MACF1: variants seen among roughly 807,000 people sequenced by gnomAD.
MACF1 encodes microtubule-actin cross-linking factor 1.
A neutral mutation model predicts 854.8 loss-of-function variants in MACF1; 193 were observed. The observed-to-expected ratio is 0.23, with a 90% CI of 0.20 to 0.25. MACF1 has a LOEUF of 0.25. MACF1 is among the 10% of genes least tolerant of loss of function. The pLI is 1.00. For synonymous variants in MACF1, 3,185 were observed against 3,226.7 expected (o/e 0.99, Z 0.44); for missense variants, 7,722 against 8,929.1 (o/e 0.86, Z 5.45).
chr1:39,339,522 C>T (rs1646890567), intron 38 of MACF1, among the ~76,000 whole-genome samples: 1 of 152,152 alleles, frequency 6.6e-6, no homozygotes, highest in African/African-American at 2.4e-5. Context: ...GGGATATAAA[C>T]TAACTTGCAG....
chr1:39,437,707 T>C, intron 70 of MACF1, 70 bp from the exon 71 acceptor site: 4 of 1,169,872 alleles, frequency 3.4e-6, no homozygotes, highest in Non-Finnish European at 5.1e-6. Flanking sequence ...ATCTTGTCCT[T>C]ATTCCCTAAC....
intron 98 of MACF1, 96 bp from the exon 99 acceptor site, chr1:39,480,824 A>G (rs1644999253): frequency 3.0e-6 from 2 of 666,560 alleles, no homozygotes; most frequent in South Asian, 3.6e-5. Flanking sequence ...TTTAAAATTT[A>G]GTATCTTCTA....
intron 2 of MACF1, among the ~76,000 whole-genome samples, chr1:39,111,959 G>A (rs185455127): frequency 2.6e-5 from 4 of 152,146 alleles, no homozygotes; most frequent in Non-Finnish European, 5.9e-5. Flanking sequence ...ATCTGTTACT[G>A]CCTAACACAT....
chr1:39,287,433 C>A lies in MACF1; in HGVS notation c.1656C>A (p.Thr552=). The A allele has an allele frequency of 6.2e-7, 1 of 1,614,128 alleles. No individual in the cohort carries two copies. Among genetic ancestry groups the A allele is most frequent in the African/African-American group, 1.3e-5 (1 of 75,030 alleles). The stretch of plus-strand genomic sequence containing the variant: ...AAGCAGAACCCTTAACCAAGGCAAC[C>A]CATTCTTCTTCTACCTCCTGGTTCC... ...HLKAEPLTKA[T]HSSSTSWFRK... The change falls in exon 15 of 101, where the codon ACC becomes ACA. Residue 552 remains threonine (T), a synonymous_variant. Transcript: ENST00000564288.
intron 6 of MACF1, 71 bp downstream of exon 6, chr1:39,258,099 A>G (rs968467271): frequency 4.6e-5 from 55 of 1,190,850 alleles, no homozygotes; most frequent in Non-Finnish European, 5.7e-5. Context: ...ACTGCCTTCC[A>G]CAGACAGCAT....
intron 58 of MACF1, chr1:39,412,497 A>G (rs1032262079): frequency 6.2e-6 from 10 of 1,614,034 alleles, no homozygotes; most frequent in Non-Finnish European, 8.5e-6. Flanking sequence ...GAAACTTCCC[A>G]GAGCAGGTCT....
Position 39,361,566 on chromosome 1 carries a change from G to A in MACF1, c.12660G>A (p.Met4220Ile). 1 of 1,614,216 alleles carries A rather than the reference G, an allele frequency of 6.2e-7. No individual in the cohort carries two copies. The change falls in exon 49 of 101, where the codon ATG becomes ATA. Residue 4220 changes from methionine (M) to isoleucine (I), a missense_variant. By Grantham distance (10) the Met-to-Ile change is conservative. Transcript: ENST00000564288. The stretch of plus-strand genomic sequence containing the variant: ...AGAAGCTTCTACCCCAGGCAGAGAT[G>A]TTTGAACACCTCTCTGGTAAGCTGC... ...SLKKLLPQAE[M>I]FEHLSGKLQQ...
intron 2 of MACF1, among the ~76,000 whole-genome samples, chr1:39,162,077 T>C (rs1050527129): frequency 2.0e-5 from 3 of 151,596 alleles, no homozygotes; most frequent in African/African-American, 7.3e-5. Context: ...CTTTTTTTTT[T>C]GCAATCTCCG....
At chr1:39,269,255 A>G in intron 6 of MACF1, 1 of 1,289,912 alleles carries the variant, frequency 7.8e-7, no homozygotes, top group Non-Finnish European at 1.0e-6. Flanking sequence ...GAGAGACTGC[A>G]GTGGAGAAAG....
chr1:39,160,479 T>G (rs1643775341), intron 2 of MACF1, among the ~76,000 whole-genome samples: 1 of 152,224 alleles, frequency 6.6e-6, no homozygotes, highest in Non-Finnish European at 1.5e-5. Flanking sequence ...TGGAGTTCTG[T>G]TTTCTAATCT....
rs1421965705 is a variant in MACF1, at chr1:39,336,289, T to C, written c.9701T>C (p.Leu3234Pro). ...TLKSEIATQELTGEKFLEMAN... is the reference protein window; with the variant it reads ...TLKSEIATQEPTGEKFLEMAN... ...AAATCTGAAATAGCAACACAGGAACTAACTGGAGAGAAATTTCTAGAAATG... is the reference window on the plus strand; with the variant it reads ...AAATCTGAAATAGCAACACAGGAACCAACTGGAGAGAAATTTCTAGAAATG... The change falls in exon 37 of 101, where the codon CTA (leucine) becomes CCA (proline). Residue 3234 changes from leucine (L) to proline (P), a missense_variant. Physicochemically the swap from Leu to Pro is moderately conservative, Grantham distance 98. Transcript: ENST00000564288. 1.9e-6 allele frequency: 3 copies of C among 1,614,156 alleles called. No homozygotes were observed. The highest frequency in any genetic ancestry group is 2.5e-6 in the Non-Finnish European group (3 of 1,180,028).
chr1:39,343,766 G>T (rs1172708556), intron 40 of MACF1, among the ~76,000 whole-genome samples: 4 of 152,196 alleles, frequency 2.6e-5, no homozygotes, highest in African/African-American at 7.2e-5. Context: ...TGACCAAGGG[G>T]CATAAGGCAG....
chr1:39,088,167 T>C lies in MACF1; in HGVS notation c.220+3729T>C, dbSNP rs183164878. 2.9e-3 allele frequency among the ~76,000 whole-genome samples: 448 copies of C among 152,028 alleles called. 4 individuals carry two copies. Among genetic ancestry groups the C allele is most frequent in the African/African-American group, 0.01 (423 of 41,470 alleles). ...TTTTGTATTTTTAGTAGAGACGGGG[T>C]TTCACCATGTTAGCCAGGATGGTCT... On this transcript the variant is annotated intron_variant, in intron 2 of 93. Transcript: ENST00000361689.
chr1:39,452,109 C>A, intron 85 of MACF1, 47 bp from the exon 86 acceptor site: 1 of 1,479,360 alleles, frequency 6.8e-7, no homozygotes, highest in Non-Finnish European at 9.2e-7. Context: ...GTTTCTTGGA[C>A]TCAAAACATT....
At chr1:39,371,816 CTT>C (rs570266079) in intron 51 of MACF1, among the ~76,000 whole-genome samples, 16 of 137,664 alleles carry the variant, frequency 1.2e-4, no homozygotes, top group African/African-American at 1.1e-4. Context: ...TCTTTCTTTG[CTT>C]TTTTTTTTTT....
chr1:39,163,606 G>A (rs1271526490), intron 2 of MACF1, among the ~76,000 whole-genome samples: 1 of 152,088 alleles, frequency 6.6e-6, no homozygotes, highest in Non-Finnish European at 1.5e-5. Context: ...GAAAGAACAT[G>A]GTCCTTTTTG....
intron 1 of MACF1, among the ~76,000 whole-genome samples, chr1:39,225,217 C>CTTCTTTTT (rs1553171337): frequency 1.6e-5 from 2 of 125,196 alleles, no homozygotes; most frequent in East Asian, 4.7e-4. Flanking sequence ...TTTCTTTTTT[C>CTTCTTTTT]TTTTTTTTTT....
At chr1:39,143,937 G>GCCA (rs56881602) in intron 2 of MACF1, among the ~76,000 whole-genome samples, 4,649 of 151,888 alleles carry the variant, frequency 0.031, 231 homozygotes, top group African/African-American at 0.11. Context: ...ACAGGCACCA[G>GCCA]CCACCATGCC....
intron 78 of MACF1, among the ~76,000 whole-genome samples, chr1:39,443,204 TAATC>T (rs1180386845): frequency 1.3e-5 from 2 of 152,346 alleles, no homozygotes; most frequent in African/African-American, 4.8e-5. Flanking sequence ...AACAGTACCT[TAATC>T]AATAGTCAAT....
Sources: allele counts gnomAD v4.1 joint callset (sites outside exome capture counted in the v4.1 genomes callset), GRCh38; gene constraint gnomAD v4.1.1; transcripts MANE v1.5; gene names NCBI Gene and HGNC (gene_info 2026-07-23, HGNC 2026-07-21).